HK2: variants seen among roughly 807,000 people sequenced by gnomAD.
HK2 encodes hexokinase-2.
HK2 carries 42 observed loss-of-function variants against 92.9 expected under a neutral mutation model. That is an observed-to-expected ratio of 0.45 (90% confidence interval 0.35 to 0.58). The LOEUF is 0.58. HK2 is among the 20% of genes least tolerant of loss of function. The pLI, the probability that HK2 is intolerant of heterozygous loss-of-function variation, is 0.00. For synonymous variants in HK2, 422 were observed against 468.0 expected (o/e 0.90, Z 1.27); for missense variants, 978 against 1,245.1 (o/e 0.79, Z 3.23).
chr2:74,871,382 G>T (rs560285530), intron 3 of HK2, among the ~76,000 whole-genome samples: 2 of 152,304 alleles, frequency 1.3e-5, no homozygotes, highest in South Asian at 4.1e-4. Flanking sequence ...CTTGGAATCT[G>T]CCCAGCCTCT....
intron 1 of HK2, among the ~76,000 whole-genome samples, chr2:74,853,707 AAG>A (rs1476473625): frequency 2.0e-5 from 3 of 151,872 alleles, no homozygotes; most frequent in Non-Finnish European, 4.4e-5. Context: ...AAAAAAAAAA[AAG>A]ATAAAAAGAT....
chr2:74,852,234 G>A (rs1688589089), intron 1 of HK2, among the ~76,000 whole-genome samples: 1 of 152,188 alleles, frequency 6.6e-6, no homozygotes. Flanking sequence ...GCCTCGCATT[G>A]GCTTCTGGTC....
Position 74,849,927 on chromosome 2 carries a change from C to T in HK2, c.64-4366C>T, listed in dbSNP as rs114233408. Reference sequence around the variant, plus strand: ...CACCAGCTACAAATCAAGGGTTGACCTGAATGAGTCTGCTTTGATAGTATC... The same window carrying T: ...CACCAGCTACAAATCAAGGGTTGACTTGAATGAGTCTGCTTTGATAGTATC... On this transcript the variant is annotated intron_variant, in intron 1 of 17. Transcript: ENST00000290573. 6.3e-3 allele frequency among the ~76,000 whole-genome samples: 952 copies of T among 152,306 alleles called. 11 individuals are homozygous for T. The highest frequency in any genetic ancestry group is 0.021 in the African/African-American group (877 of 41,550).
At chr2:74,883,526 G>A (rs1342689623) in intron 12 of HK2, among the ~76,000 whole-genome samples, 2 of 152,182 alleles carry the variant, frequency 1.3e-5, no homozygotes, top group Admixed American at 6.5e-5. Flanking sequence ...TAGTGACAAG[G>A]AAAGAGCAGC....
At chr2:74,887,157 A>G (rs1167712343) in intron 15 of HK2, among the ~76,000 whole-genome samples, 1 of 152,206 alleles carries the variant, frequency 6.6e-6, no homozygotes, top group Non-Finnish European at 1.5e-5. Flanking sequence ...TCTCATTAAG[A>G]TGTTGTCTGT....
At position 74,882,371 on chromosome 2, in the gene HK2, G is replaced by A; in HGVS notation, c.1839+132G>A. The A allele has an allele frequency of 5.2e-6, 7 of 1,357,044 alleles. No homozygotes were observed. The South Asian group carries it at 8.2e-5, about 16-fold the overall frequency. The allele number at this position is 1,357,044 out of a possible 1,614,324, so 84.1% of individuals were successfully genotyped here. On this transcript the variant is annotated intron_variant, in intron 12 of 17. Coordinates refer to ENST00000290573, the MANE Select transcript of HK2 (RefSeq NM_000189.5). ...GGGCGTGAGTTACCAGTAGTGGGGA[G>A]GGGCTCCTTGATGGGAATGAGTAAG...
intron 3 of HK2, among the ~76,000 whole-genome samples, chr2:74,870,301 C>T (rs968472465): frequency 5.9e-5 from 9 of 152,250 alleles, no homozygotes; most frequent in African/African-American, 1.2e-4. Context: ...GGAGCCACTG[C>T]GCCGGCCTGT....
rs1231009921 is a variant in HK2, at chr2:74,850,659, C to T, written c.64-3634C>T. Among the ~76,000 whole-genome samples the T allele has an allele frequency of 4.6e-5, 7 of 152,290 alleles. No individual in the cohort carries two copies. In the East Asian group the frequency reaches 1.2e-3, roughly 25 times the overall value. On this transcript the variant is annotated intron_variant, in intron 1 of 17. Transcript: ENST00000290573. ...CTGGTGCTCCCTCCCACTGATGGCA[C>T]TGTGGGTGAAAGTTGGCAAGATTCT...
rs765072305 is a variant in HK2, at chr2:74,872,280, C to A, written c.376-20C>A. On this transcript the variant is annotated intron_variant, in intron 3 of 17. Transcript: ENST00000290573. ...GCTGTTCGACCTCTCTGCTCACCAC[C>A]CTGTGTCATGTATCCTTAGCTGTTT... is the stretch of plus-strand genomic sequence containing the variant. 6.2e-7 allele frequency: 1 copy of A among 1,613,602 alleles called. No homozygotes were observed. Among genetic ancestry groups the A allele is most frequent in the East Asian group, 2.2e-5 (1 of 44,852 alleles).
In HK2 at chr2:74,839,473, T is replaced by C. The variant is rs116409917; in HGVS notation, c.63+4830T>C. 6.8e-3 allele frequency among the ~76,000 whole-genome samples: 1,041 copies of C among 152,306 alleles called. 14 individuals carry two copies. Among genetic ancestry groups the C allele is most frequent in the African/African-American group, 0.024 (997 of 41,568 alleles). ...CACTCCATTTGTTCAATATGTAACA[T>C]CTTGGTAACCTAACTCTGTCCCTTT... On this transcript the variant is annotated intron_variant, in intron 1 of 17. Coordinates refer to ENST00000290573, the MANE Select transcript of HK2 (RefSeq NM_000189.5).
Position 74,880,488 on chromosome 2 carries a change from C to A in HK2, c.1489C>A (p.Arg497=). ...GAGGAGGATGAAGGTAGAAATGGAGCGAGGTCTGAGCAAGGAGACTCATGC... is the reference window on the plus strand; with the variant it reads ...GAGGAGGATGAAGGTAGAAATGGAGAGAGGTCTGAGCAAGGAGACTCATGC... ...VKRRMKVEME[R]GLSKETHASA... The change falls in exon 10 of 18, where the codon CGA becomes AGA. Residue 497 remains arginine (R), a synonymous_variant. Coordinates refer to ENST00000290573, the MANE Select transcript of HK2 (RefSeq NM_000189.5). The A allele has an allele frequency of 6.2e-7, 1 of 1,614,166 alleles. No homozygotes were observed. Among genetic ancestry groups the A allele is most frequent in the South Asian group, 1.1e-5 (1 of 91,084 alleles).
intron 3 of HK2, among the ~76,000 whole-genome samples, chr2:74,869,677 T>C (rs1489745212): frequency 1.3e-5 from 2 of 152,310 alleles, no homozygotes; most frequent in Admixed American, 1.3e-4. Flanking sequence ...AGGAAACCAT[T>C]TTAACTTCAT....
At position 74,875,949 on chromosome 2, in the gene HK2, C is replaced by T. The variant is rs143687846; in HGVS notation, c.876-1217C>T. Among the ~76,000 whole-genome samples, 9 of 152,332 alleles carry T rather than the reference C, an allele frequency of 5.9e-5. No individual in the cohort carries two copies. The East Asian group carries it at 1.5e-3, about 26-fold the overall frequency. On this transcript the variant is annotated intron_variant, in intron 7 of 17. Coordinates refer to ENST00000290573, the MANE Select transcript of HK2 (RefSeq NM_000189.5). ...ATGGTAGCCCTGAAGTCACTACAGACAATTTTTGTCCCCTCTAATATATTT... is the reference window on the plus strand; with the variant it reads ...ATGGTAGCCCTGAAGTCACTACAGATAATTTTTGTCCCCTCTAATATATTT...
At chr2:74,840,638 C>T (rs561241716) in intron 1 of HK2, among the ~76,000 whole-genome samples, 175 of 149,482 alleles carry the variant, frequency 1.2e-3, no homozygotes, top group Middle Eastern at 3.5e-3. Context: ...GAGGCCAAGG[C>T]GGGCGGATCA....
intron 1 of HK2, among the ~76,000 whole-genome samples, chr2:74,837,108 A>G (rs745737715): frequency 4.1e-4 from 63 of 152,204 alleles, no homozygotes; most frequent in Non-Finnish European, 8.7e-4. Context: ...GCTCTTAGGT[A>G]TGTCAGCTTA....
chr2:74,878,623 C>T (rs1689297512), intron 8 of HK2, 65 bp from the exon 9 acceptor site: 4 of 1,315,192 alleles, frequency 3.0e-6, no homozygotes, highest in South Asian at 1.3e-5. Context: ...CTTGCCACCC[C>T]CCGACACACA....
At chr2:74,838,241 G>A (rs1395872706) in intron 1 of HK2, among the ~76,000 whole-genome samples, 1 of 152,166 alleles carries the variant, frequency 6.6e-6, no homozygotes, top group Admixed American at 6.5e-5. Flanking sequence ...CACTGGTGAG[G>A]TGCTCAGTGA....
At chr2:74,889,638 T>C (rs1163842415) in intron 17 of HK2, among the ~76,000 whole-genome samples, 160 bp downstream of exon 17, 3 of 152,230 alleles carry the variant, frequency 2.0e-5, no homozygotes, top group Non-Finnish European at 2.9e-5. Flanking sequence ...TAATCAGAAG[T>C]AGGCCTGTGT....
chr2:74,884,378 C>G (rs557382820), intron 12 of HK2, among the ~76,000 whole-genome samples: 2 of 152,220 alleles, frequency 1.3e-5, no homozygotes, highest in Non-Finnish European at 2.9e-5. Flanking sequence ...CTCTGTGGCC[C>G]CCAGCTGTGT....
Sources: gnomAD v4.1 joint callset for allele counts (sites outside exome capture counted in the v4.1 genomes callset) on GRCh38, gnomAD v4.1.1 for gene constraint, MANE v1.5 for transcripts, NCBI Gene and HGNC (gene_info 2026-07-23, HGNC 2026-07-21) for gene names.